CFAP251: variants seen among roughly 807,000 people sequenced by gnomAD.
The protein encoded by CFAP251 is cilia and flagella associated protein 251.
Under a neutral mutation model 126.7 loss-of-function variants are expected in CFAP251, and 93 were observed. The ratio of observed to expected loss-of-function variants is 0.73; its 90% confidence interval spans 0.62 to 0.87. The LOEUF is 0.87. CFAP251 is among the 40% of genes least tolerant of loss of function. CFAP251 has a pLI of 0.00. For missense variants in CFAP251, 1,287 were observed against 1,389.2 expected (o/e 0.93, Z 1.17); for synonymous variants, 503 against 506.9 (o/e 0.99, Z 0.10).
At chr12:121,959,929 G>A (rs2135783707) in intron 13 of CFAP251, among the ~76,000 whole-genome samples, 1 of 152,050 alleles carries the variant, frequency 6.6e-6, no homozygotes, top group South Asian at 2.1e-4. Context: ...TTCGAGACCA[G>A]CCTGGGCAAC....
In CFAP251 at chr12:121,921,597, G is replaced by T. The variant is rs777741868; in HGVS notation, c.292G>T (p.Val98Leu). The change falls in exon 2 of 22, where the codon GTA (valine) becomes TTA (leucine). Residue 98 changes from valine to leucine, a missense_variant. By Grantham distance (32) the Val-to-Leu change is conservative (BLOSUM62 1). Transcript: ENST00000288912. ...EASGIQEETT[V>L]EPQEVTASMI... Reference sequence around the variant, plus strand: ...TTCAGGAATACAGGAAGAAACCACAGTAGAGCCCCAAGAAGTCACAGCGTC... The same window carrying T: ...TTCAGGAATACAGGAAGAAACCACATTAGAGCCCCAAGAAGTCACAGCGTC... 11 of 1,614,128 alleles carry T rather than the reference G, an allele frequency of 6.8e-6. No homozygotes were observed. In the South Asian group the frequency reaches 1.2e-4, roughly 18 times the overall value.
chr12:121,987,445 T>A (rs1184661200), intron 19 of CFAP251, among the ~76,000 whole-genome samples: 2 of 152,312 alleles, frequency 1.3e-5, no homozygotes, highest in East Asian at 3.9e-4. Flanking sequence ...CCAGGCCTGG[T>A]GGTTCATACC....
intron 19 of CFAP251, among the ~76,000 whole-genome samples, chr12:121,977,735 C>T (rs911815028): frequency 1.3e-5 from 2 of 150,906 alleles, no homozygotes; most frequent in Non-Finnish European, 1.5e-5. Context: ...GCGGGCGGAT[C>T]ACGAGGTCAG....
intron 19 of CFAP251, chr12:121,992,404 C>A (rs1882896943): frequency 1.0e-6 from 1 of 985,236 alleles, no homozygotes; most frequent in Non-Finnish European, 1.2e-6. Flanking sequence ...AGGTGAATCA[C>A]ATGCTGAGTG....
Position 121,975,248 on chromosome 12 carries a change from C to T in CFAP251, c.2776C>T (p.Leu926=), listed in dbSNP as rs199637864. The T allele has an allele frequency of 3.9e-5, 63 of 1,613,896 alleles. No individual in the cohort carries two copies. In the African/African-American group the frequency reaches 4.1e-4, roughly 11 times the overall value. The change falls in exon 18 of 22, where the codon CTG becomes TTG. Residue 926 remains leucine (L), a synonymous_variant. Transcript: ENST00000288912. The stretch of plus-strand genomic sequence containing the variant: ...ACATTTCTGTTGTTGTTCCAGTGTC[C>T]TGGAGGCAGCGGTTTCTCTTGGGGG... ...VVQWKITLSV[L]EAAVSLGGED... is the part of the protein sequence containing the mutation.
At chr12:121,935,451 A>G (rs557848397) in intron 5 of CFAP251, among the ~76,000 whole-genome samples, 3 of 152,358 alleles carry the variant, frequency 2.0e-5, no homozygotes, top group Admixed American at 6.5e-5. Flanking sequence ...ATTAACAGAC[A>G]TCCAGGATCC....
intron 8 of CFAP251, 85 bp downstream of exon 8, chr12:121,949,146 A>C: frequency 1.2e-6 from 1 of 833,626 alleles, no homozygotes; most frequent in Non-Finnish European, 1.9e-6. Context: ...GTAATGTAAC[A>C]ATATAGTATC....
intron 19 of CFAP251, among the ~76,000 whole-genome samples, chr12:121,984,539 C>G (rs889032557): frequency 1.3e-5 from 2 of 152,172 alleles, no homozygotes; most frequent in Non-Finnish European, 2.9e-5. Context: ...ATCTCCTGAC[C>G]TCCTGATCCG....
At chr12:121,942,295 A>G (rs11043255) in intron 5 of CFAP251, among the ~76,000 whole-genome samples, 12,218 of 152,186 alleles carry the variant, frequency 0.08, 944 homozygotes, top group African/African-American at 0.2. Flanking sequence ...GTGGACTCAT[A>G]CACCACACGC....
At chr12:121,935,861 C>T (rs1297794657) in intron 5 of CFAP251, among the ~76,000 whole-genome samples, 3 of 152,208 alleles carry the variant, frequency 2.0e-5, no homozygotes, top group African/African-American at 7.2e-5. Flanking sequence ...CTCCTCCTTC[C>T]CCGGCTGGAG....
At position 121,960,676 on chromosome 12, in the gene CFAP251, A is replaced by G. The variant is rs2135784592; in HGVS notation, c.2225A>G (p.Lys742Arg). 6.2e-7 allele frequency: 1 copy of G among 1,614,096 alleles called. No individual in the cohort carries two copies. Among genetic ancestry groups the G allele is most frequent in the Non-Finnish European group, 8.5e-7 (1 of 1,179,976 alleles). ...EYLARLRSHRKSIRSLLFGVY... is the reference protein window; with the variant it reads ...EYLARLRSHRRSIRSLLFGVY... ...TTAGCAAGACTTCGCTCTCATCGCA[A>G]AAGCATTCGAAGTCTCCTGTTTGGG... The change falls in exon 14 of 22, where the codon AAA becomes AGA. Residue 742 changes from lysine to arginine, a missense_variant. Transcript: ENST00000288912.
intron 19 of CFAP251, among the ~76,000 whole-genome samples, chr12:121,976,400 T>C (rs555482653): frequency 6.6e-6 from 1 of 152,032 alleles, no homozygotes; most frequent in Non-Finnish European, 1.5e-5. Flanking sequence ...TGGAGGGAGT[T>C]ATTATCCTTG....
At chr12:121,956,654 C>A (rs551789385) in intron 10 of CFAP251, among the ~76,000 whole-genome samples, 2 of 152,146 alleles carry the variant, frequency 1.3e-5, no homozygotes, top group African/African-American at 2.4e-5. Flanking sequence ...CACCACCACA[C>A]CTGACTAATT....
In CFAP251 at chr12:121,959,067, C is replaced by T. The variant is rs748001990; in HGVS notation, c.2106C>T (p.Ser702=). The T allele has an allele frequency of 5.6e-6, 9 of 1,606,392 alleles. 1 individual carries two copies. Among genetic ancestry groups the T allele is most frequent in the Non-Finnish European group, 6.8e-6 (8 of 1,177,948 alleles). The change falls in exon 13 of 22, where the codon TCC becomes TCT. Residue 702 remains serine, a synonymous_variant. Transcript: ENST00000288912. ...CCAGTGTGACTCATATAAGCTTTTCCCATGACTCCCAGTATATGGCAACTG... is the reference window on the plus strand; with the variant it reads ...CCAGTGTGACTCATATAAGCTTTTCTCATGACTCCCAGTATATGGCAACTG... ...SRTSVTHISF[S]HDSQYMATAD...
intron 19 of CFAP251, among the ~76,000 whole-genome samples, chr12:121,976,731 A>G (rs540909741): frequency 1.8e-4 from 27 of 152,018 alleles, no homozygotes; most frequent in Non-Finnish European, 3.4e-4. Flanking sequence ...ACATAGAGAG[A>G]TCCTATCTAT....
intron 19 of CFAP251, 59 bp from the exon 20 acceptor site, chr12:121,999,657 C>A (rs1883103256): frequency 7.2e-7 from 1 of 1,379,636 alleles, no homozygotes; most frequent in Non-Finnish European, 9.9e-7. Context: ...TTTTAGAAAT[C>A]TATCCTGGTG....
chr12:121,940,637 A>G (rs1592972617), intron 5 of CFAP251, among the ~76,000 whole-genome samples: 2 of 152,012 alleles, frequency 1.3e-5, no homozygotes, highest in Non-Finnish European at 2.9e-5. Flanking sequence ...ACCTCCCCCA[A>G]CCCAACCATT....
intron 9 of CFAP251, 165 bp from the exon 10 acceptor site, chr12:121,953,955 C>T: frequency 1.5e-6 from 1 of 673,234 alleles, no homozygotes; most frequent in East Asian, 2.7e-5. Flanking sequence ...AGGTTCAGAA[C>T]TGCCTGGACC....
At chr12:121,920,298 G>A (rs569133184) in intron 1 of CFAP251, among the ~76,000 whole-genome samples, 79 of 141,960 alleles carry the variant, frequency 5.6e-4, no homozygotes, top group Non-Finnish European at 5.2e-4. Flanking sequence ...CATGATCTTG[G>A]CTCGCTGCAA....
Sources: gnomAD v4.1 joint callset for allele counts (sites outside exome capture counted in the v4.1 genomes callset) on GRCh38, gnomAD v4.1.1 for gene constraint, MANE v1.5 for transcripts, NCBI Gene and HGNC (gene_info 2026-07-23, HGNC 2026-07-21) for gene names.